Variants in TCERG1 observed in about 807,000 individuals in gnomAD.
The protein encoded by TCERG1 is transcription elongation regulator 1, also known as TATA box binding protein (TBP)-associated factor, RNA polymerase II, S, 150kD.
Under a neutral mutation model 144.7 loss-of-function variants are expected in TCERG1, and 37 were observed. The observed-to-expected ratio is 0.26, with a 90% confidence interval of 0.20 to 0.34. The LOEUF is 0.34. Among genes scored for constraint, TCERG1 ranks in the 10% least tolerant of loss-of-function variants. The pLI is 1.00. For synonymous variants in TCERG1, 492 were observed against 458.2 expected (o/e 1.07, Z -0.94); for missense variants, 1,027 against 1,380.7 (o/e 0.74, Z 4.06).
chr5:146,457,155 G>T, intron 2 of TCERG1, 28 bp from the exon 3 acceptor site: 1 of 1,602,972 alleles, frequency 6.2e-7, no homozygotes, highest in South Asian at 1.1e-5. Context: ...TAATTAAAGT[G>T]ACCATTACTG....
At chr5:146,452,085 G>A (rs188574115) in intron 1 of TCERG1, among the ~76,000 whole-genome samples, 1 of 152,214 alleles carries the variant, frequency 6.6e-6, no homozygotes, top group Admixed American at 6.5e-5. Flanking sequence ...ACTGCTCCTG[G>A]CCTAAATTGG....
intron 15 of TCERG1, among the ~76,000 whole-genome samples, chr5:146,488,857 A>G (rs887048145): frequency 1.3e-5 from 2 of 152,212 alleles, no homozygotes; most frequent in Non-Finnish European, 2.9e-5. Context: ...GATAAAGAAA[A>G]TGTGGTTAGC....
In TCERG1 at chr5:146,482,659, C is replaced by G; in HGVS notation, c.2005C>G (p.Arg669Gly). The part of the protein sequence containing the change: ...AAMEAEIKAA[R>G]ERAIVPLEAR... ...CATGGAAGCTGAAATTAAAGCTGCC[C>G]GAGAAAGGGCCATTGTCCCTCTGGA... The change falls in exon 14 of 23, where the codon CGA becomes GGA. Residue 669 changes from arginine to glycine, a missense_variant. This residue lies in a region of TCERG1 where 482 missense variants were observed against 632.6 expected (regional missense o/e 0.76). Transcript: ENST00000679501. 1 of 1,612,836 alleles carries G rather than the reference C, an allele frequency of 6.2e-7. No homozygotes were observed. The highest frequency in any genetic ancestry group is 8.5e-7 in the Non-Finnish European group (1 of 1,179,292).
chr5:146,505,324 TAA>T (rs1767876363), intron 19 of TCERG1, among the ~76,000 whole-genome samples: 1 of 152,200 alleles, frequency 6.6e-6, no homozygotes, highest in South Asian at 2.1e-4. Flanking sequence ...CATAAAAAGC[TAA>T]TCAAATTTTG....
chr5:146,481,270 A>G (rs963039391), intron 13 of TCERG1, 70 bp downstream of exon 13: 5 of 754,650 alleles, frequency 6.6e-6, no homozygotes, highest in Non-Finnish European at 6.5e-6. Flanking sequence ...ATAGATAGTG[A>G]TAGTTTGTAT....
intron 15 of TCERG1, among the ~76,000 whole-genome samples, chr5:146,490,228 C>G (rs571026980): frequency 4.6e-5 from 7 of 152,100 alleles, no homozygotes; most frequent in African/African-American, 1.7e-4. Flanking sequence ...GGTAGTCCCT[C>G]CTTATCTGTG....
intron 5 of TCERG1, among the ~76,000 whole-genome samples, 154 bp from the exon 6 acceptor site, chr5:146,468,187 A>G (rs992542052): frequency 6.6e-6 from 1 of 152,208 alleles, no homozygotes; most frequent in African/African-American, 2.4e-5. Flanking sequence ...ACTTCCCACA[A>G]AATGTCAAAC....
chr5:146,482,494 A>G, intron 13 of TCERG1, 98 bp from the exon 14 acceptor site: 1 of 1,232,790 alleles, frequency 8.1e-7, no homozygotes, highest in Non-Finnish European at 1.1e-6. Flanking sequence ...TATGCTGCTC[A>G]GTAGTGAGTC....
chr5:146,447,364 C>T lies in TCERG1; in HGVS notation c.15C>T (p.Gly5=), dbSNP rs776064523. The T allele has an allele frequency of 2.5e-5, 40 of 1,611,156 alleles. No individual in the cohort carries two copies. The highest frequency in any genetic ancestry group is 3.1e-5 in the Non-Finnish European group (37 of 1,178,910). Residue 5 remains glycine, a synonymous_variant, in exon 1 of 23, where the codon GGC becomes GGT. Coordinates refer to ENST00000679501, the MANE Select transcript of TCERG1 (RefSeq NM_001382548.1). The stretch of plus-strand genomic sequence containing the variant: ...GGCCCTCTGTAATGGCGGAGCGTGG[C>T]GGGGACGGGGGCGAGAGTGAACGAT... The part of the protein sequence containing the change: MAER[G]GDGGESERFN...
At chr5:146,506,938 A>T in intron 19 of TCERG1, 90 bp from the exon 20 acceptor site, 1 of 1,096,554 alleles carries the variant, frequency 9.1e-7, no homozygotes, top group Non-Finnish European at 1.3e-6. Context: ...TATCTTGGCT[A>T]TTGTGAATAA....
At chr5:146,510,387 G>T in intron 22 of TCERG1, 54 bp from the exon 23 acceptor site, 1 of 1,233,654 alleles carries the variant, frequency 8.1e-7, no homozygotes, top group Non-Finnish European at 1.2e-6. Context: ...GCTCATTTCT[G>T]AAAGACCTGT....
Position 146,455,124 on chromosome 5 carries a change from C to T in TCERG1, c.128C>T (p.Pro43Leu). 6.2e-7 allele frequency: 1 copy of T among 1,614,218 alleles called. No homozygotes were observed. The highest frequency in any genetic ancestry group is 1.1e-5 in the South Asian group (1 of 91,084). ...APPPNAVMRG[P>L]PPLMRPPPPF... is the part of the protein sequence containing the mutation. ...CCACCAAATGCAGTGATGCGAGGCCCACCACCTCTGATGCGACCTCCTCCA... is the reference window on the plus strand; with the variant it reads ...CCACCAAATGCAGTGATGCGAGGCCTACCACCTCTGATGCGACCTCCTCCA... The change falls in exon 2 of 23, where the codon CCA (proline) becomes CTA (leucine). Residue 43 changes from proline to leucine, a missense_variant. Around this residue, in one of 6 missense-constraint regions of TCERG1, gnomAD observed 175 missense variants for 197.0 expected, o/e 0.89. Coordinates refer to ENST00000679501, the MANE Select transcript of TCERG1 (RefSeq NM_001382548.1).
intron 15 of TCERG1, among the ~76,000 whole-genome samples, chr5:146,486,920 T>A (rs1016593169): frequency 6.6e-6 from 1 of 151,886 alleles, no homozygotes; most frequent in Non-Finnish European, 1.5e-5. Context: ...ACTAAAAATA[T>A]CTCTACTAAA....
Position 146,497,759 on chromosome 5 carries a change from C to T in TCERG1, c.2283-777C>T, listed in dbSNP as rs1029939891. Among the ~76,000 whole-genome samples, 5 of 152,282 alleles carry T rather than the reference C, an allele frequency of 3.3e-5. No homozygotes were observed. The East Asian group carries it at 9.7e-4, about 29-fold the overall frequency. On this transcript the variant is annotated intron_variant, in intron 16 of 22. Coordinates refer to ENST00000679501, the MANE Select transcript of TCERG1 (RefSeq NM_001382548.1). Reference sequence around the variant, plus strand: ...ATATGTTTCTTTTAGCCTTCCAGCTCTGTTTTCCTTGTGGATCTTTTGTGG... The same window carrying T: ...ATATGTTTCTTTTAGCCTTCCAGCTTTGTTTTCCTTGTGGATCTTTTGTGG...
chr5:146,456,946 C>T (rs1000886606), intron 2 of TCERG1, among the ~76,000 whole-genome samples: 6 of 152,104 alleles, frequency 3.9e-5, no homozygotes, highest in African/African-American at 1.2e-4. Context: ...AAGGAGAAAG[C>T]AGAATTCACT....
intron 19 of TCERG1, among the ~76,000 whole-genome samples, chr5:146,504,742 C>A (rs1485788199): frequency 1.3e-5 from 2 of 152,116 alleles, no homozygotes; most frequent in East Asian, 3.9e-4. Context: ...TTGTCTTGGG[C>A]CACACATAAA....
chr5:146,503,673 T>A, intron 18 of TCERG1, 134 bp downstream of exon 18: 1 of 1,361,814 alleles, frequency 7.3e-7, no homozygotes, highest in Non-Finnish European at 9.9e-7. Flanking sequence ...CATAAGAGTC[T>A]AGTTGATTTG....
At chr5:146,466,768 C>T (rs1011517357) in intron 5 of TCERG1, among the ~76,000 whole-genome samples, 7 of 152,152 alleles carry the variant, frequency 4.6e-5, no homozygotes, top group Non-Finnish European at 7.4e-5. Flanking sequence ...GCGAGCCCAA[C>T]TGATTTTTAA....
At chr5:146,467,390 C>T (rs1336658167) in intron 5 of TCERG1, among the ~76,000 whole-genome samples, 1 of 151,852 alleles carries the variant, frequency 6.6e-6, no homozygotes. Flanking sequence ...AAATTATTGC[C>T]CCTATACTTT....
Sources: allele counts gnomAD v4.1 joint callset (sites outside exome capture counted in the v4.1 genomes callset), GRCh38; gene constraint gnomAD v4.1.1; regional missense constraint gnomAD v4.1.1; transcripts MANE v1.5; gene names NCBI Gene and HGNC (gene_info 2026-07-23, HGNC 2026-07-21).